PICK1: variants seen among roughly 807,000 people sequenced by gnomAD.
PICK1 encodes the protein protein interacting with PRKCA 1.
PICK1 carries 23 observed loss-of-function variants against 48.9 expected under a neutral mutation model. The observed-to-expected ratio is 0.47, with a 90% CI of 0.34 to 0.67. PICK1 has a LOEUF of 0.67. Ranked by LOEUF, PICK1 falls within the 30% of genes least tolerant of loss-of-function variation. The probability of loss-of-function intolerance (pLI) is 0.01; values close to 1 mark genes in which losing one functional copy is unlikely to be tolerated. For synonymous variants in PICK1, 217 were observed against 228.2 expected, an observed-to-expected ratio of 0.95 and a Z score of 0.44; for missense variants, 423 against 557.1, an observed-to-expected ratio of 0.76 and a Z score of 2.42.
Position 38,073,097 on chromosome 22 carries a change from G to GTA in PICK1, c.783+6_783+7dup. On this transcript the variant is annotated splice_donor_region_variant and intron_variant, in intron 10 of 12. Transcript: ENST00000356976. This position sits in a 1 kb window ranked among gnomAD's most constrained non-coding sequence, Gnocchi z 5.7. Reference sequence around the variant, plus strand: ...GACGTGAAGTTTGAGTACCTGGTGAGTAGTCCAGGTGCCCAGGCTGCTAGG... The same window carrying GTA: ...GACGTGAAGTTTGAGTACCTGGTGAGTATAGTCCAGGTGCCCAGGCTGCTAGG... 6.3e-7 allele frequency: 1 copy of GTA among 1,579,216 alleles called. No homozygotes were observed. Among genetic ancestry groups the GTA allele is most frequent in the Non-Finnish European group, 8.7e-7 (1 of 1,148,378 alleles).
At position 38,074,194 on chromosome 22, in the gene PICK1, C is replaced by T. The variant is rs2085772039; in HGVS notation, c.835-113C>T. The T allele has an allele frequency of 7.7e-7, 1 of 1,295,800 alleles. No homozygotes were observed. The highest frequency in any genetic ancestry group is 1.1e-6 in the Non-Finnish European group (1 of 910,288). 80.3% of individuals were successfully genotyped at this position (1,295,800 alleles called of 1,614,324 possible). A position where few individuals can be genotyped will look rare whatever the true frequency, so the allele number is the denominator to read the frequency against. On this transcript the variant is annotated intron_variant, in intron 11 of 12. Transcript: ENST00000356976. The surrounding 1 kb of genome is among the most constrained non-coding windows in gnomAD (Gnocchi z 4.5). ...GCTATCACTGAGTGCTTCTGAGAAA[C>T]ACTGAAGTCTCAGAAATGAGGTCTC... is the stretch of plus-strand genomic sequence containing the variant.
At chr22:38,069,180 T>A in intron 6 of PICK1, 58 bp downstream of exon 6, 1 of 1,275,412 alleles carries the variant, frequency 7.8e-7, no homozygotes, top group East Asian at 2.5e-5. Context: ...CTGAGAAGAG[T>A]GGGGGGCACC....
At position 38,074,785 on chromosome 22, in the gene PICK1, C is replaced by A. The variant is rs889021490; in HGVS notation, c.980-79C>A. 11 of 1,455,720 alleles carry A rather than the reference C, an allele frequency of 7.6e-6. No homozygotes were observed. Among genetic ancestry groups the A allele is most frequent in the African/African-American group, 2.9e-5 (2 of 70,062 alleles). 90.2% of individuals were successfully genotyped at this position (1,455,720 alleles called of 1,614,324 possible). ...AGCCCAGGGGAGGCGAGAGGTGGGC[C>A]GGGTGGGCTGGGAGAGTCTCCTCCC... is the stretch of plus-strand genomic sequence containing the variant. On this transcript the variant is annotated intron_variant, in intron 12 of 12. Transcript: ENST00000356976. This position sits in a 1 kb window ranked among gnomAD's most constrained non-coding sequence, Gnocchi z 4.5.
At chr22:38,072,224 GC>G (rs1206235138) in intron 8 of PICK1, among the ~76,000 whole-genome samples, 1 of 152,208 alleles carries the variant, frequency 6.6e-6, no homozygotes, top group Non-Finnish European at 1.5e-5. Context: ...GGGAATGAGG[GC>G]CAACTCCCTT....
rs915694854 is a variant in PICK1, at chr22:38,073,976, G to A, written c.834+153G>A. 1.3e-6 allele frequency: 1 copy of A among 775,552 alleles called. No homozygotes were observed. Among genetic ancestry groups the A allele is most frequent in the African/African-American group, 1.7e-5 (1 of 58,384 alleles). The allele number at this position is 775,552 out of a possible 1,614,324, so 48.0% of individuals were successfully genotyped here. A position where few individuals can be genotyped will look rare whatever the true frequency, so the allele number is the denominator to read the frequency against. The stretch of plus-strand genomic sequence containing the variant: ...GGCCATCTTCCCAGTCCCGCTCGCT[G>A]GGCCTCGGGGTGCTGGGCACCCGGC... On this transcript the variant is annotated intron_variant, in intron 11 of 12. Coordinates refer to ENST00000356976, the MANE Select transcript of PICK1 (RefSeq NM_012407.4). This position sits in a 1 kb window ranked among gnomAD's most constrained non-coding sequence, Gnocchi z 5.7.
chr22:38,069,180 T>TGG, intron 6 of PICK1, 58 bp downstream of exon 6: 1 of 1,275,412 alleles, frequency 7.8e-7, no homozygotes. Context: ...CTGAGAAGAG[T>TGG]GGGGGGCACC....
Position 38,073,668 on chromosome 22 carries a change from A to G in PICK1, c.784-105A>G, listed in dbSNP as rs2085756440. The G allele has an allele frequency of 9.4e-7, 1 of 1,063,444 alleles. No individual in the cohort carries two copies. 65.9% of individuals were successfully genotyped at this position (1,063,444 alleles called of 1,614,324 possible). A position where few individuals can be genotyped will look rare whatever the true frequency, so the allele number is the denominator to read the frequency against. On this transcript the variant is annotated intron_variant, in intron 10 of 12. Transcript: ENST00000356976. This position sits in a 1 kb window ranked among gnomAD's most constrained non-coding sequence, Gnocchi z 5.7. ...CCGCTGCCCGCTCTGGGACTCCCTG[A>G]ACACCTGCGCCAGCCTCTCCTGCTG...
chr22:38,060,393 G>T (rs1369340840), intron 3 of PICK1, among the ~76,000 whole-genome samples: 1 of 152,208 alleles, frequency 6.6e-6, no homozygotes, highest in Non-Finnish European at 1.5e-5. Context: ...GGCCTGCTGT[G>T]GGGCCTCCTT....
intron 3 of PICK1, among the ~76,000 whole-genome samples, chr22:38,059,676 A>T (rs1227632693): frequency 6.6e-6 from 1 of 152,250 alleles, no homozygotes; most frequent in East Asian, 1.9e-4. Flanking sequence ...TGCAATAGAA[A>T]TTGACTATTG....
Position 38,059,522 on chromosome 22 carries a change from G to A in PICK1, c.153+177G>A, listed in dbSNP as rs146770324. On this transcript the variant is annotated intron_variant, in intron 3 of 12. Coordinates refer to ENST00000356976, the MANE Select transcript of PICK1 (RefSeq NM_012407.4). ...TCTGCCCTGTCTTCTCCCCTGTGTCGCTCTGTTTTTTTCCTTCTCGGCACT... is the reference window on the plus strand; with the variant it reads ...TCTGCCCTGTCTTCTCCCCTGTGTCACTCTGTTTTTTTCCTTCTCGGCACT... Among the ~76,000 whole-genome samples, 16 of 152,244 alleles carry A rather than the reference G, an allele frequency of 1.1e-4. No individual in the cohort carries two copies. In the East Asian group the frequency reaches 2.9e-3, roughly 28 times the overall value.
At chr22:38,067,910 C>G in intron 5 of PICK1, 140 bp downstream of exon 5, 1 of 755,282 alleles carries the variant, frequency 1.3e-6, no homozygotes, top group South Asian at 1.5e-5. Flanking sequence ...GCTCTGACCT[C>G]TGACCAAGCA....
chr22:38,075,236 C>T lies in PICK1; in HGVS notation c.*104C>T, dbSNP rs1440351514. On this transcript the variant is annotated 3_prime_UTR_variant, in exon 13 of 13. Transcript: ENST00000356976. ...GGGGCGACGCATAAAGGCCTGCTGG[C>T]TTGGGGCGCCTGCCTCCCTGCTCCT... 1.5e-5 allele frequency: 17 copies of T among 1,136,436 alleles called. No individual in the cohort carries two copies. The highest frequency in any genetic ancestry group is 1.6e-5 in the Non-Finnish European group (13 of 820,314). 70.4% of individuals were successfully genotyped at this position (1,136,436 alleles called of 1,614,324 possible).
intron 3 of PICK1, among the ~76,000 whole-genome samples, chr22:38,059,671 T>C (rs1328725515): frequency 6.6e-6 from 1 of 152,188 alleles, no homozygotes; most frequent in African/African-American, 2.4e-5. Flanking sequence ...GGACATGCAA[T>C]AGAAATTGAC....
chr22:38,062,893 C>T (rs2085438595), intron 3 of PICK1, among the ~76,000 whole-genome samples: 1 of 152,164 alleles, frequency 6.6e-6, no homozygotes, highest in Non-Finnish European at 1.5e-5. Flanking sequence ...ATGGCTATTG[C>T]CATTCTTATT....
At position 38,071,678 on chromosome 22, in the gene PICK1, A is replaced by G; in HGVS notation, c.494-4A>G. ...CATTCCGCATCACTCGGTCTCTCCC[A>G]CAGGGATGACGGAACACACCAAGAA... On this transcript the variant is annotated splice_polypyrimidine_tract_variant and splice_region_variant and intron_variant, in intron 7 of 12. Transcript: ENST00000356976. 1 of 1,613,140 alleles carries G rather than the reference A, an allele frequency of 6.2e-7. No individual in the cohort carries two copies. The highest frequency in any genetic ancestry group is 1.3e-5 in the African/African-American group (1 of 75,048).
intron 5 of PICK1, chr22:38,068,251 C>T (rs1448592494): frequency 1.3e-5 from 5 of 387,946 alleles, no homozygotes; most frequent in African/African-American, 4.2e-5. Flanking sequence ...AGAGGGTCTG[C>T]GCCCTGGGAC....
Position 38,074,564 on chromosome 22 carries a change from G to C in PICK1, c.979+113G>C. 1 of 1,434,538 alleles carries C rather than the reference G, an allele frequency of 7.0e-7. No homozygotes were observed. Among genetic ancestry groups the C allele is most frequent in the Non-Finnish European group, 9.6e-7 (1 of 1,040,450 alleles). 88.9% of individuals were successfully genotyped at this position (1,434,538 alleles called of 1,614,324 possible). ...GCCCAGATGTAAAGCCCCTCCAGGA[G>C]CCCAGCCATCTGCCCAGAGCCTGGC... On this transcript the variant is annotated intron_variant, in intron 12 of 12. Coordinates refer to ENST00000356976, the MANE Select transcript of PICK1 (RefSeq NM_012407.4). This position sits in a 1 kb window ranked among gnomAD's most constrained non-coding sequence, Gnocchi z 4.5.
intron 6 of PICK1, among the ~76,000 whole-genome samples, chr22:38,069,367 T>A (rs3026690): frequency 3.9e-5 from 6 of 152,118 alleles, no homozygotes; most frequent in African/African-American, 1.4e-4. Flanking sequence ...GAAAATAGAC[T>A]TAGTGTGGGG....
intron 5 of PICK1, 186 bp downstream of exon 5, chr22:38,067,956 C>A: frequency 1.4e-6 from 1 of 694,762 alleles, no homozygotes; most frequent in Non-Finnish European, 2.7e-6. Flanking sequence ...CGGTGCTCTC[C>A]CTGCATCTGT....
Sources: gnomAD v4.1 joint callset for allele counts (sites outside exome capture counted in the v4.1 genomes callset) on GRCh38, gnomAD v4.1.1 for gene constraint, Gnocchi (gnomAD v3.1) non-coding constraint, MANE v1.5 for transcripts, NCBI Gene and HGNC (gene_info 2026-07-23, HGNC 2026-07-21) for gene names.